The following COL26A1 variants were observed in gnomAD, a reference collection of about 807,000 sequenced individuals.
COL26A1 encodes the protein collagen type XXVI alpha 1 chain.
Under a neutral mutation model 59.3 loss-of-function variants are expected in COL26A1, and 41 were observed. The ratio of observed to expected loss-of-function variants is 0.69; its 90% CI spans 0.54 to 0.90. The LOEUF is 0.90. Among genes scored for constraint, COL26A1 ranks in the 40% least tolerant of loss-of-function variants. The pLI, the probability that COL26A1 is intolerant of heterozygous loss-of-function variation, is 0.00. For missense variants in COL26A1, 612 were observed against 602.3 expected (o/e 1.02, Z -0.17); for synonymous variants, 266 against 256.0 (o/e 1.04, Z -0.37).
chr7:101,392,908 C>T (rs1403068952), intron 1 of COL26A1, among the ~76,000 whole-genome samples: 1 of 148,634 alleles, frequency 6.7e-6, no homozygotes, highest in Non-Finnish European at 1.5e-5. Flanking sequence ...CTAATCCCTG[C>T]AACCTGTGAA....
At chr7:101,395,040 T>G (rs1791824605) in intron 1 of COL26A1, among the ~76,000 whole-genome samples, 1 of 151,444 alleles carries the variant, frequency 6.6e-6, no homozygotes, top group Non-Finnish European at 1.5e-5. Flanking sequence ...GCCTGGCTAA[T>G]TTTTGTATTT....
Position 101,556,431 on chromosome 7 carries a change from G to A in COL26A1, c.1165+560G>A, listed in dbSNP as rs146320592. On this transcript the variant is annotated intron_variant, in intron 12 of 12. Transcript: ENST00000313669. ...GACAGGTGGGTGGGTGAGTGAGTGA[G>A]TGAACGAATGGCTGGTTGCCTGGAT... Among the ~76,000 whole-genome samples the A allele has an allele frequency of 5.6e-3, 841 of 150,954 alleles. 6 individuals are homozygous for A. Among genetic ancestry groups the A allele is most frequent in the African/African-American group, 0.02 (809 of 41,088 alleles).
chr7:101,372,264 C>A (rs1471624104), intron 1 of COL26A1, among the ~76,000 whole-genome samples: 1 of 151,988 alleles, frequency 6.6e-6, no homozygotes, highest in Non-Finnish European at 1.5e-5. Flanking sequence ...CTCCAGGGTT[C>A]AAGCGATTGT....
intron 3 of COL26A1, among the ~76,000 whole-genome samples, chr7:101,457,178 G>A (rs1339397174): frequency 2.6e-5 from 4 of 152,116 alleles, no homozygotes; most frequent in African/African-American, 2.4e-5. Context: ...AACACTGGGT[G>A]CAAGGCTACA....
chr7:101,366,591 C>A (rs541586844), intron 1 of COL26A1, among the ~76,000 whole-genome samples: 1 of 146,548 alleles, frequency 6.8e-6, no homozygotes, highest in Non-Finnish European at 1.5e-5. Flanking sequence ...GCCTCGACCT[C>A]CTGGGTTCAA....
intron 3 of COL26A1, among the ~76,000 whole-genome samples, chr7:101,530,004 GT>G (rs1258383857): frequency 2.6e-5 from 4 of 152,268 alleles, no homozygotes; most frequent in South Asian, 2.1e-4. Flanking sequence ...TTGGCACAGT[GT>G]CATCCAGTCG....
intron 3 of COL26A1, among the ~76,000 whole-genome samples, chr7:101,520,623 C>T (rs187096184): frequency 1.6e-3 from 207 of 133,112 alleles, no homozygotes; most frequent in African/African-American, 5.4e-3. Context: ...GACAGACAAG[C>T]ACAGACACAT....
Position 101,533,151 on chromosome 7 carries a change from G to A in COL26A1, c.447+8G>A, listed in dbSNP as rs373698404. ...ACCACACTGGAGGCCAAGGTCAGTC[G>A]GGCTGGGGAGTCTGGGCCTGGGGAG... is the stretch of plus-strand genomic sequence containing the variant. On this transcript the variant is annotated splice_region_variant and intron_variant, in intron 4 of 12. Coordinates refer to ENST00000313669, the MANE Select transcript of COL26A1 (RefSeq NM_001278563.3). 4.4e-5 allele frequency: 70 copies of A among 1,595,290 alleles called. No homozygotes were observed. The African/African-American group carries it at 7.5e-4, about 17-fold the overall frequency.
At chr7:101,405,598 G>A (rs1792110745) in intron 1 of COL26A1, among the ~76,000 whole-genome samples, 2 of 151,948 alleles carry the variant, frequency 1.3e-5, no homozygotes, top group Admixed American at 6.6e-5. Flanking sequence ...CTCCTTAAAT[G>A]TGCTCCTCCC....
chr7:101,503,166 G>T (rs1040504911), intron 3 of COL26A1, among the ~76,000 whole-genome samples: 3 of 152,146 alleles, frequency 2.0e-5, no homozygotes, highest in Non-Finnish European at 4.4e-5. Context: ...CCCAGAACTG[G>T]GTGTTGGGGC....
chr7:101,466,837 T>TGTGA (rs764059657), intron 3 of COL26A1, among the ~76,000 whole-genome samples: 1,536 of 122,600 alleles, frequency 0.013, 20 homozygotes, highest in East Asian at 0.037. Flanking sequence ...TGTGTGTGTG[T>TGTGA]GAGAGAGAGA....
intron 3 of COL26A1, among the ~76,000 whole-genome samples, chr7:101,523,260 G>A (rs895437605): frequency 6.6e-6 from 1 of 151,942 alleles, no homozygotes; most frequent in Non-Finnish European, 1.5e-5. Flanking sequence ...GTAGAGATGA[G>A]GTTTCACTAT....
At position 101,401,594 on chromosome 7, in the gene COL26A1, G is replaced by A. The variant is rs1277453984; in HGVS notation, c.159-18383G>A. Among the ~76,000 whole-genome samples, 5 of 151,038 alleles carry A rather than the reference G, an allele frequency of 3.3e-5. No homozygotes were observed. The East Asian group carries it at 7.8e-4, about 24-fold the overall frequency. ...AGAGGAGGAGGAAAAGGAGGAGGAA[G>A]AGGAAGAGTAGGAGGAAGAAGAGGA... On this transcript the variant is annotated intron_variant, in intron 1 of 12. Transcript: ENST00000313669.
chr7:101,406,714 G>A (rs1436160719), intron 1 of COL26A1, among the ~76,000 whole-genome samples: 1 of 152,144 alleles, frequency 6.6e-6, no homozygotes, highest in Non-Finnish European at 1.5e-5. Flanking sequence ...TACTTGAGAG[G>A]TGGAAGAATC....
chr7:101,455,840 G>A (rs950116894), intron 3 of COL26A1, among the ~76,000 whole-genome samples: 1 of 151,918 alleles, frequency 6.6e-6, no homozygotes, highest in Non-Finnish European at 1.5e-5. Flanking sequence ...ACGCCACCAG[G>A]CCTGGCTAAT....
chr7:101,473,647 CACACACAA>C (rs1347112240), intron 3 of COL26A1, among the ~76,000 whole-genome samples: 208 of 110,590 alleles, frequency 1.9e-3, no homozygotes, highest in African/African-American at 6.1e-3. Flanking sequence ...CACACACACA[CACACACAA>C]ACACACACAA....
intron 3 of COL26A1, among the ~76,000 whole-genome samples, chr7:101,508,732 G>C (rs1232648490): frequency 6.6e-6 from 1 of 152,282 alleles, no homozygotes; most frequent in East Asian, 1.9e-4. Context: ...TGAAGGAGGA[G>C]AGACCCCTAA....
At chr7:101,443,803 A>AT (rs77285192) in intron 2 of COL26A1, among the ~76,000 whole-genome samples, 28 of 146,322 alleles carry the variant, frequency 1.9e-4, no homozygotes, top group South Asian at 4.3e-4. Flanking sequence ...TTTTGCAAGA[A>AT]TTTTTTTTTT....
At chr7:101,401,566 G>T (rs1791997625) in intron 1 of COL26A1, among the ~76,000 whole-genome samples, 1 of 141,992 alleles carries the variant, frequency 7.0e-6, no homozygotes, top group Admixed American at 7.0e-5. Flanking sequence ...AGGAAGAAGA[G>T]AAAGAGGAGG....
Sources: gnomAD v4.1 joint callset for allele counts (sites outside exome capture counted in the v4.1 genomes callset) on GRCh38, gnomAD v4.1.1 for gene constraint, MANE v1.5 for transcripts, NCBI Gene and HGNC (gene_info 2026-07-23, HGNC 2026-07-21) for gene names.